HPSE2: variants seen among roughly 807,000 people sequenced by gnomAD.
HPSE2 encodes the protein inactive heparanase-2.
HPSE2 carries 38 observed loss-of-function variants against 60.5 expected under a neutral mutation model. The ratio of observed to expected loss-of-function variants is 0.63; its 90% CI spans 0.48 to 0.82. The LOEUF (loss-of-function observed/expected upper bound fraction) is 0.82. Ranked by LOEUF, HPSE2 falls within the 40% of genes least tolerant of loss-of-function variation. The pLI, the probability that HPSE2 is intolerant of heterozygous loss-of-function variation, is 0.00. For missense variants in HPSE2, 713 were observed against 740.4 expected (o/e 0.96, Z 0.43); for synonymous variants, 295 against 293.2 (o/e 1.01, Z -0.06).
In HPSE2 at chr10:98,504,290, C is replaced by T. The variant is rs191152561; in HGVS notation, c.1321-14094G>A. 2.1e-3 allele frequency among the ~76,000 whole-genome samples: 322 copies of T among 152,210 alleles called. 3 individuals carry two copies. The highest frequency in any genetic ancestry group is 7.4e-3 in the African/African-American group (307 of 41,534). ...GACTATTTCTGTTATTTACTATGTT[C>T]AATGAACATTTTAATTGTTATTATA... On this transcript the variant is annotated intron_variant, in intron 9 of 11. Transcript: ENST00000370552.
intron 7 of HPSE2, among the ~76,000 whole-genome samples, chr10:98,629,271 A>C (rs1045725089): frequency 6.6e-6 from 1 of 152,192 alleles, no homozygotes; most frequent in African/African-American, 2.4e-5. Flanking sequence ...TTGGAAATCA[A>C]CCTTCCCCAG....
chr10:98,602,589 C>CAT (rs1945459386), intron 9 of HPSE2, among the ~76,000 whole-genome samples: 1 of 152,030 alleles, frequency 6.6e-6, no homozygotes, highest in Non-Finnish European at 1.5e-5. Context: ...TGTACATATA[C>CAT]ATATATGTAT....
chr10:98,884,311 A>G (rs1953105555), intron 3 of HPSE2, among the ~76,000 whole-genome samples: 2 of 152,172 alleles, frequency 1.3e-5, no homozygotes, highest in Non-Finnish European at 1.5e-5. Context: ...AGTTCTCCAG[A>G]AGATCTAGCC....
chr10:98,496,603 C>CTAAGAG, intron 9 of HPSE2, among the ~76,000 whole-genome samples: 1 of 152,196 alleles, frequency 6.6e-6, no homozygotes, highest in Non-Finnish European at 1.5e-5. Context: ...CTGAAATTGA[C>CTAAGAG]CAAAATTAAC....
chr10:99,236,597 T>G (rs1171086140), upstream of HPSE2, among the ~76,000 whole-genome samples: 1 of 152,126 alleles, frequency 6.6e-6, no homozygotes, highest in Non-Finnish European at 1.5e-5. Context: ...ACGCGTTGGA[T>G]AGCCACACCG....
chr10:98,890,784 C>T (rs2134931466), intron 3 of HPSE2, among the ~76,000 whole-genome samples: 1 of 152,282 alleles, frequency 6.6e-6, no homozygotes, highest in African/African-American at 2.4e-5. Flanking sequence ...CTTACACATA[C>T]CGATACTGTG....
At chr10:99,145,276 G>GA (rs1846008539) in intron 2 of HPSE2, among the ~76,000 whole-genome samples, 1 of 152,084 alleles carries the variant, frequency 6.6e-6, no homozygotes, top group Non-Finnish European at 1.5e-5. Flanking sequence ...CCAATATGGT[G>GA]AAACCCTGTA....
intron 6 of HPSE2, among the ~76,000 whole-genome samples, chr10:98,655,040 G>A (rs1252385104): frequency 1.3e-5 from 2 of 152,176 alleles, no homozygotes; most frequent in Non-Finnish European, 2.9e-5. Context: ...TAAGTTGTGG[G>A]AGAAGGGAAG....
the HPSE2 span, among the ~76,000 whole-genome samples, chr10:99,278,632 A>T: frequency 3.3e-5 from 5 of 152,228 alleles, no homozygotes; most frequent in African/African-American, 1.2e-4. Flanking sequence ...TCAGGATGAA[A>T]AAAGGATGAA....
intron 3 of HPSE2, among the ~76,000 whole-genome samples, chr10:98,812,447 T>C (rs1271152657): frequency 1.3e-5 from 2 of 152,122 alleles, no homozygotes; most frequent in African/African-American, 4.8e-5. Context: ...TCAACCATTT[T>C]AGCAAGCCAC....
chr10:98,717,455 C>T (rs1948818985), intron 5 of HPSE2, among the ~76,000 whole-genome samples: 1 of 152,124 alleles, frequency 6.6e-6, no homozygotes, highest in Admixed American at 6.6e-5. Context: ...CCTCATTAAG[C>T]TTAATCGTAT....
At chr10:99,021,153 C>T (rs1441669657) in intron 3 of HPSE2, among the ~76,000 whole-genome samples, 1 of 152,196 alleles carries the variant, frequency 6.6e-6, no homozygotes, top group Non-Finnish European at 1.5e-5. Context: ...TAACACTCAA[C>T]CTACAAACTA....
intron 3 of HPSE2, among the ~76,000 whole-genome samples, chr10:98,781,312 T>A (rs1379214823): frequency 2.0e-5 from 3 of 149,454 alleles, no homozygotes; most frequent in African/African-American, 7.4e-5. Context: ...TTTTTATTTT[T>A]AAATTTGGTA....
chr10:98,959,358 GAAA>G (rs540992148), intron 3 of HPSE2, among the ~76,000 whole-genome samples: 19,291 of 77,026 alleles, frequency 0.25, 1,951 homozygotes, highest in African/African-American at 0.41. Context: ...ACTATCTCTG[GAAA>G]AAAAAAAAAA....
At chr10:98,651,818 G>A (rs1946924830) in intron 6 of HPSE2, among the ~76,000 whole-genome samples, 1 of 151,354 alleles carries the variant, frequency 6.6e-6, no homozygotes, top group South Asian at 2.1e-4. Context: ...TGTCACCCAG[G>A]CTGGAGTGCA....
intron 3 of HPSE2, among the ~76,000 whole-genome samples, chr10:99,053,769 A>T (rs1411738238): frequency 3.5e-5 from 4 of 114,242 alleles, no homozygotes; most frequent in African/African-American, 1.4e-4. Context: ...ATGCTCTGTC[A>T]TCAGGCTGGA....
chr10:98,761,852 G>C (rs1215214287), intron 3 of HPSE2, among the ~76,000 whole-genome samples: 2 of 152,138 alleles, frequency 1.3e-5, no homozygotes, highest in African/African-American at 4.8e-5. Context: ...CCAAGTGGCA[G>C]AACAGTGTGA....
At position 99,232,436 on chromosome 10, in the gene HPSE2, G is replaced by C. The variant is rs1427991416; in HGVS notation, c.360C>G (p.Thr120=). Residue 120 remains threonine, a synonymous_variant, in exon 2 of 12, where the codon ACC becomes ACG. Coordinates refer to ENST00000370552, the MANE Select transcript of HPSE2 (RefSeq NM_021828.5). ...PAFLRFGGKR[T]DFLQFQNLRN... ...TCAGGTTCTGGAACTGCAGGAAGTC[G>C]GTCCTTTTGCCCCCGAAGCGCAGAA... 1.3e-6 allele frequency: 2 copies of C among 1,556,406 alleles called. No homozygotes were observed. The highest frequency in any genetic ancestry group is 1.2e-5 in the South Asian group (1 of 84,392).
intron 3 of HPSE2, among the ~76,000 whole-genome samples, chr10:99,111,719 G>A (rs1230894052): frequency 6.6e-6 from 1 of 152,166 alleles, no homozygotes; most frequent in African/African-American, 2.4e-5. Context: ...GTGCTGCTAT[G>A]CCTATGCCTT....
Sources: allele counts gnomAD v4.1 joint callset (sites outside exome capture counted in the v4.1 genomes callset), GRCh38; gene constraint gnomAD v4.1.1; transcripts MANE v1.5; gene names NCBI Gene and HGNC (gene_info 2026-07-23, HGNC 2026-07-21).